Variants in ETV6 observed in about 807,000 individuals in gnomAD.
ETV6 encodes ETS variant transcription factor 6.
Under a neutral mutation model 51.1 loss-of-function variants are expected in ETV6, and 16 were observed. That is an observed-to-expected ratio of 0.31 (90% CI 0.21 to 0.48). The LOEUF is 0.48. Among genes scored for constraint, ETV6 ranks in the 20% least tolerant of loss-of-function variants. The pLI, the probability that ETV6 is intolerant of heterozygous loss-of-function variation, is 0.99. For missense variants in ETV6, 458 were observed against 594.8 expected (o/e 0.77, Z 2.39); for synonymous variants, 240 against 224.1 (o/e 1.07, Z -0.64).
At chr12:11,849,533 T>G (rs1196997953) in intron 3 of ETV6, among the ~76,000 whole-genome samples, 2 of 152,194 alleles carry the variant, frequency 1.3e-5, no homozygotes, top group African/African-American at 4.8e-5. Context: ...TGAAAGAAGA[T>G]GGAGGGCTGT....
At chr12:11,862,825 C>T (rs1420575909) in intron 4 of ETV6, among the ~76,000 whole-genome samples, 3 of 152,184 alleles carry the variant, frequency 2.0e-5, no homozygotes, top group Non-Finnish European at 4.4e-5. Context: ...CCATAATGGG[C>T]ATAAGAGACC....
chr12:11,686,693 G>T (rs1864635584), intron 1 of ETV6, among the ~76,000 whole-genome samples: 1 of 152,016 alleles, frequency 6.6e-6, no homozygotes, highest in Non-Finnish European at 1.5e-5. Context: ...ACACCTGGCT[G>T]ATTTTTGTAT....
At chr12:11,810,120 G>T (rs1945891668) in intron 2 of ETV6, among the ~76,000 whole-genome samples, 1 of 152,040 alleles carries the variant, frequency 6.6e-6, no homozygotes, top group African/African-American at 2.4e-5. Context: ...CACCTGGCTG[G>T]AATGGAGCAT....
intron 5 of ETV6, among the ~76,000 whole-genome samples, chr12:11,871,764 CT>C (rs1565561225): frequency 6.6e-6 from 1 of 152,112 alleles, no homozygotes; most frequent in Non-Finnish European, 1.5e-5. Flanking sequence ...CCATCACCAG[CT>C]AGTGGCTATA....
rs543360367 is a variant in ETV6 at position 11,791,756 on chromosome 12, A to T, written c.163+39177A>T. On this transcript the variant is annotated intron_variant, in intron 2 of 7. Coordinates refer to ENST00000396373, the MANE Select transcript of ETV6 (RefSeq NM_001987.5). ...CATACTACTATATAAGTGTTCATTGATATTGTTATATGCTGTTTTTTTTTA... is the reference window on the plus strand; with the variant it reads ...CATACTACTATATAAGTGTTCATTGTTATTGTTATATGCTGTTTTTTTTTA... Among the ~76,000 whole-genome samples the T allele has an allele frequency of 4.0e-4, 60 of 151,728 alleles. No homozygotes were observed. In the East Asian group the frequency reaches 8.9e-3, roughly 23 times the overall value.
intron 2 of ETV6, among the ~76,000 whole-genome samples, chr12:11,829,594 C>T (rs1045927702): frequency 6.6e-6 from 1 of 152,192 alleles, no homozygotes. Context: ...GCGGCAAGCT[C>T]TGGGTCAGTT....
chr12:11,689,410 C>G (rs1024859742), intron 1 of ETV6, among the ~76,000 whole-genome samples: 1 of 152,144 alleles, frequency 6.6e-6, no homozygotes, highest in Admixed American at 6.5e-5. Flanking sequence ...AGACAAAGCA[C>G]AGTACATTTG....
chr12:11,882,814 G>A (rs2739086), intron 5 of ETV6, among the ~76,000 whole-genome samples: 21 of 152,168 alleles, frequency 1.4e-4, no homozygotes, highest in South Asian at 2.1e-4. Context: ...TCTGCAATGC[G>A]GATGTGTTGG....
chr12:11,877,705 C>G (rs935445448), intron 5 of ETV6, among the ~76,000 whole-genome samples: 10 of 152,142 alleles, frequency 6.6e-5, no homozygotes, highest in African/African-American at 1.9e-4. Context: ...GGGCCTGTGG[C>G]AAAAGCTTGG....
At position 11,839,180 on chromosome 12, in the gene ETV6, G is replaced by A; in HGVS notation, c.204G>A (p.Gln68=). 1 of 1,614,252 alleles carries A rather than the reference G, an allele frequency of 6.2e-7. No individual in the cohort carries two copies. The highest frequency in any genetic ancestry group is 8.5e-7 in the Non-Finnish European group (1 of 1,180,038). The change falls in exon 3 of 8, where the codon CAG becomes CAA. Residue 68 remains glutamine, a synonymous_variant. Coordinates refer to ENST00000396373, the MANE Select transcript of ETV6 (RefSeq NM_001987.5). ...PIYWSRDDVA[Q]WLKWAENEFS... The stretch of plus-strand genomic sequence containing the variant: ...ACTGGAGCAGGGATGACGTAGCCCA[G>A]TGGCTCAAGTGGGCTGAAAATGAGT...
chr12:11,821,850 A>C (rs1048257938), intron 2 of ETV6, among the ~76,000 whole-genome samples: 5 of 152,170 alleles, frequency 3.3e-5, no homozygotes, highest in Admixed American at 1.3e-4. Flanking sequence ...TCTGTCTCTT[A>C]AAAACAAACA....
intron 3 of ETV6, among the ~76,000 whole-genome samples, chr12:11,850,279 A>G (rs2238120): frequency 0.75 from 113,637 of 151,992 alleles, 43,615 homozygotes; most frequent in African/African-American, 0.93. Flanking sequence ...AGGCTGAAGC[A>G]AGCCCATGCA....
intron 5 of ETV6, among the ~76,000 whole-genome samples, chr12:11,879,394 C>A (rs1168999863): frequency 6.6e-6 from 1 of 152,188 alleles, no homozygotes; most frequent in Non-Finnish European, 1.5e-5. Flanking sequence ...TTTTGTCTAG[C>A]GTGGTTTTTT....
At chr12:11,653,876 G>A (rs968562606) in intron 1 of ETV6, among the ~76,000 whole-genome samples, 7 of 151,976 alleles carry the variant, frequency 4.6e-5, no homozygotes, top group Non-Finnish European at 4.4e-5. Context: ...TCAGTGGTGC[G>A]ATCTTGGCTC....
intron 2 of ETV6, among the ~76,000 whole-genome samples, chr12:11,764,513 T>C (rs1205616309): frequency 6.6e-6 from 1 of 152,206 alleles, no homozygotes; most frequent in Admixed American, 6.5e-5. Flanking sequence ...GAGTAGTGAA[T>C]TTGGGAGTAT....
At chr12:11,744,704 G>A (rs949355877) in intron 1 of ETV6, among the ~76,000 whole-genome samples, 3 of 152,128 alleles carry the variant, frequency 2.0e-5, no homozygotes, top group Non-Finnish European at 4.4e-5. Context: ...GGTATAGCCT[G>A]GGGCTGCAGA....
intron 1 of ETV6, among the ~76,000 whole-genome samples, chr12:11,675,969 G>A (rs1427174848): frequency 1.3e-5 from 2 of 152,176 alleles, no homozygotes; most frequent in Admixed American, 1.3e-4. Context: ...AGAAACTGAT[G>A]AAGGAGGAAC....
chr12:11,882,732 T>G (rs1306556926), intron 5 of ETV6, among the ~76,000 whole-genome samples: 1 of 151,504 alleles, frequency 6.6e-6, no homozygotes, highest in African/African-American at 2.4e-5. Context: ...TCAGGAAGAT[T>G]AAGAAGCGTG....
chr12:11,841,705 G>A (rs1037822649), intron 3 of ETV6, among the ~76,000 whole-genome samples: 2 of 152,146 alleles, frequency 1.3e-5, no homozygotes, highest in African/African-American at 4.8e-5. Context: ...CTGGCTTGTC[G>A]AACAAACCTC....
Sources: allele counts gnomAD v4.1 joint callset (sites outside exome capture counted in the v4.1 genomes callset), GRCh38; gene constraint gnomAD v4.1.1; transcripts MANE v1.5; gene names NCBI Gene and HGNC (gene_info 2026-07-23, HGNC 2026-07-21).